Variants in TNNI3K observed in about 807,000 individuals in gnomAD.
TNNI3K encodes TNNI3 interacting kinase.
In TNNI3K, 140 loss-of-function variants were observed where a neutral mutation model predicts 114.5. The observed-to-expected ratio is 1.22, with a 90% CI of 1.07 to 1.41. The LOEUF is 1.41. TNNI3K is among the 40% of genes most tolerant of loss of function. The pLI is 0.00. For missense variants in TNNI3K, 1,125 were observed against 1,007.6 expected, an observed-to-expected ratio of 1.12 and a Z score of -1.58; for synonymous variants, 347 against 347.5, an observed-to-expected ratio of 1.00 and a Z score of 0.02.
chr1:74,398,643 G>A (rs552772740), intron 17 of TNNI3K, among the ~76,000 whole-genome samples: 84 of 152,168 alleles, frequency 5.5e-4, no homozygotes, highest in Admixed American at 2.8e-3. Context: ...TGCCACTGCC[G>A]GGAATGTGGT....
chr1:74,504,157 C>T (rs1365593679), intron 23 of TNNI3K, among the ~76,000 whole-genome samples: 1 of 152,220 alleles, frequency 6.6e-6, no homozygotes, highest in Non-Finnish European at 1.5e-5. Flanking sequence ...AAATTGATTG[C>T]TAGTGCCCTC....
intron 17 of TNNI3K, among the ~76,000 whole-genome samples, chr1:74,400,919 T>A (rs2100590210): frequency 6.6e-6 from 1 of 152,336 alleles, no homozygotes; most frequent in East Asian, 1.9e-4. Flanking sequence ...TCCATAAGAT[T>A]CCTGAGAATC....
intron 4 of TNNI3K, among the ~76,000 whole-genome samples, chr1:74,271,091 A>AG (rs5775230): frequency 1 from 151,475 of 151,876 alleles, 75,539 homozygotes; most frequent in Middle Eastern, 1. Context: ...ATTATTTATT[A>AG]GTAAGAAGAA....
intron 5 of TNNI3K, among the ~76,000 whole-genome samples, chr1:74,309,231 G>A (rs1267283041): frequency 6.7e-6 from 1 of 149,448 alleles, no homozygotes; most frequent in African/African-American, 2.5e-5. Context: ...AGCCGGGCGA[G>A]GTGGCGGGCG....
chr1:74,307,134 A>C (rs1362291231), intron 5 of TNNI3K, among the ~76,000 whole-genome samples: 1 of 152,018 alleles, frequency 6.6e-6, no homozygotes, highest in East Asian at 1.9e-4. Context: ...TCCATTGTTT[A>C]TTTTTGGAAA....
intron 7 of TNNI3K, among the ~76,000 whole-genome samples, chr1:74,339,329 G>A (rs942923070): frequency 6.6e-6 from 1 of 152,002 alleles, no homozygotes; most frequent in African/African-American, 2.4e-5. Flanking sequence ...TCTAGTACAC[G>A]CTTGATATTT....
Position 74,266,432 on chromosome 1 carries a change from C to A in TNNI3K, c.334-5166C>A, listed in dbSNP as rs191532043. On this transcript the variant is annotated intron_variant, in intron 4 of 24. Coordinates refer to ENST00000326637, the MANE Select transcript of TNNI3K (RefSeq NM_015978.3). The stretch of plus-strand genomic sequence containing the variant: ...GCTGTGTGGTCTTCTATGTCCTAGC[C>A]TTAGAAAAGAAACACTCTGCTCCAC... Among the ~76,000 whole-genome samples the A allele has an allele frequency of 1.1e-4, 16 of 152,028 alleles. No individual in the cohort carries two copies. In the East Asian group the frequency reaches 3.1e-3, roughly 29 times the overall value.
chr1:74,505,608 T>C (rs1355647317), intron 23 of TNNI3K, among the ~76,000 whole-genome samples: 1 of 152,212 alleles, frequency 6.6e-6, no homozygotes, highest in Non-Finnish European at 1.5e-5. Context: ...CTAAACCTCA[T>C]ATAATGCAAA....
intron 5 of TNNI3K, among the ~76,000 whole-genome samples, chr1:74,277,649 C>T (rs1216391932): frequency 6.6e-6 from 1 of 152,088 alleles, no homozygotes; most frequent in Non-Finnish European, 1.5e-5. Flanking sequence ...TCTGGTGTTA[C>T]GTGCTGTAGT....
chr1:74,336,515 A>C (rs1405205342), intron 7 of TNNI3K, among the ~76,000 whole-genome samples: 4 of 87,252 alleles, frequency 4.6e-5, no homozygotes, highest in African/African-American at 1.8e-4. Flanking sequence ...CCCATGCCAC[A>C]ACAGTCCCCA....
chr1:74,541,698 T>C (rs1646728645), intron 24 of TNNI3K: 1 of 152,184 alleles, frequency 6.6e-6, no homozygotes, highest in Non-Finnish European at 1.5e-5. Flanking sequence ...AGAAATGTGA[T>C]GTAATAATGC....
intron 17 of TNNI3K, among the ~76,000 whole-genome samples, chr1:74,398,026 A>C (rs1472466961): frequency 6.6e-6 from 1 of 152,252 alleles, no homozygotes; most frequent in Non-Finnish European, 1.5e-5. Context: ...ACTGGTTAAA[A>C]ACGTTTTAGA....
chr1:74,493,613 C>T (rs974563815), intron 23 of TNNI3K, among the ~76,000 whole-genome samples: 5 of 152,160 alleles, frequency 3.3e-5, no homozygotes, highest in African/African-American at 1.2e-4. Context: ...CAATCATAAT[C>T]ATTTATTTCT....
chr1:74,444,374 C>G (rs1666531264), intron 20 of TNNI3K, among the ~76,000 whole-genome samples: 1 of 151,784 alleles, frequency 6.6e-6, no homozygotes, highest in African/African-American at 2.4e-5. Context: ...ACAAGCATTC[C>G]TATACACCAA....
At chr1:74,378,641 T>TATATATATATATA (rs1663044515) in intron 17 of TNNI3K, 3 of 123,276 alleles carry the variant, frequency 2.4e-5, no homozygotes, top group Non-Finnish European at 5.2e-5. Flanking sequence ...TATATATATA[T>TATATATATATATA]TTCATTTCAT....
intron 20 of TNNI3K, among the ~76,000 whole-genome samples, chr1:74,440,185 TA>T (rs1249445110): frequency 6.6e-6 from 1 of 152,028 alleles, no homozygotes; most frequent in Non-Finnish European, 1.5e-5. Flanking sequence ...TGCTCATGTG[TA>T]GAAAGTGAAG....
At chr1:74,280,009 A>C (rs1300203667) in intron 5 of TNNI3K, among the ~76,000 whole-genome samples, 2 of 151,538 alleles carry the variant, frequency 1.3e-5, no homozygotes, top group East Asian at 3.9e-4. Context: ...CGAGTTGAAC[A>C]ACTGCCCAGG....
At chr1:74,394,036 A>G (rs1663942008) in intron 17 of TNNI3K, among the ~76,000 whole-genome samples, 3 of 152,032 alleles carry the variant, frequency 2.0e-5, no homozygotes, top group African/African-American at 7.2e-5. Context: ...AAATAGTGAA[A>G]CTCTATTGAT....
intron 2 of TNNI3K, among the ~76,000 whole-genome samples, chr1:74,242,510 T>C (rs1280820330): frequency 6.6e-6 from 1 of 152,160 alleles, no homozygotes; most frequent in Non-Finnish European, 1.5e-5. Context: ...ACTGGAAACT[T>C]TTCAAGCTGA....
Sources: allele counts gnomAD v4.1 joint callset (sites outside exome capture counted in the v4.1 genomes callset), GRCh38; gene constraint gnomAD v4.1.1; transcripts MANE v1.5; gene names NCBI Gene and HGNC (gene_info 2026-07-23, HGNC 2026-07-21).